BIRC6: variants seen among roughly 807,000 people sequenced by gnomAD.
BIRC6 encodes dual E2 ubiquitin-conjugating enzyme/E3 ubiquitin-protein ligase BIRC6.
A neutral mutation model predicts 503.3 loss-of-function variants in BIRC6; 98 were observed. That is an observed-to-expected ratio of 0.19 (90% CI 0.17 to 0.23). The LOEUF (loss-of-function observed/expected upper bound fraction) is 0.23. Ranked by LOEUF, BIRC6 falls within the 10% of genes least tolerant of loss-of-function variation. BIRC6 has a pLI of 1.00. For synonymous variants in BIRC6, 2,240 were observed against 2,078.7 expected, an observed-to-expected ratio of 1.08 and a Z score of -2.11; for missense variants, 5,360 against 5,806.0, an observed-to-expected ratio of 0.92 and a Z score of 2.50.
At chr2:32,477,675 G>C (rs1252209182) in intron 35 of BIRC6, 92 bp downstream of exon 35, 1 of 877,866 alleles carries the variant, frequency 1.1e-6, no homozygotes, top group Non-Finnish European at 1.7e-6. Context: ...GAGGTGGGTG[G>C]ATTATCTGAG....
chr2:32,583,059 A>T (rs1378183010), intron 66 of BIRC6, among the ~76,000 whole-genome samples: 1 of 152,206 alleles, frequency 6.6e-6, no homozygotes, highest in East Asian at 1.9e-4. Context: ...TTGGTGCATG[A>T]TAATTACAGT....
intron 43 of BIRC6, among the ~76,000 whole-genome samples, chr2:32,490,846 C>T (rs1572586358): frequency 1.3e-5 from 2 of 151,928 alleles, no homozygotes; most frequent in South Asian, 4.2e-4. Flanking sequence ...TAATTTAAAT[C>T]ATTGCTTAGC....
Position 32,508,273 on chromosome 2 carries a change from GTCCTT to G in BIRC6, c.9980+16_9980+20del. ...ATCCAAAACAAGGTATGTTTTGTTT[GTCCTT>G]TTTTTTTTTTTTTTTTTTTTTTTTT... is the stretch of plus-strand genomic sequence containing the variant. On this transcript the variant is annotated intron_variant, in intron 51 of 73. Transcript: ENST00000421745. 2 of 531,190 alleles carry G rather than the reference GTCCTT, an allele frequency of 3.8e-6. No homozygotes were observed. The highest frequency in any genetic ancestry group is 4.8e-6 in the Non-Finnish European group (2 of 413,194). 32.9% of individuals were successfully genotyped at this position (531,190 alleles called of 1,614,324 possible). A position where few individuals can be genotyped will look rare whatever the true frequency, so the allele number is the denominator to read the frequency against.
chr2:32,398,135 T>C (rs1468563345), intron 6 of BIRC6, among the ~76,000 whole-genome samples: 1 of 152,122 alleles, frequency 6.6e-6, no homozygotes, highest in Non-Finnish European at 1.5e-5. Flanking sequence ...AGAGTTACTT[T>C]GGAGGGAGGT....
intron 23 of BIRC6, among the ~76,000 whole-genome samples, chr2:32,462,982 G>A (rs1489290951): frequency 2.0e-5 from 3 of 149,974 alleles, no homozygotes; most frequent in South Asian, 2.1e-4. Flanking sequence ...AGTCATTCCT[G>A]TATTTCCTAG....
chr2:32,489,375 G>A (rs887493491), intron 42 of BIRC6, among the ~76,000 whole-genome samples: 2 of 151,898 alleles, frequency 1.3e-5, no homozygotes, highest in Admixed American at 1.3e-4. Flanking sequence ...CATCTGCACT[G>A]TCTCAGCACC....
At chr2:32,615,314 C>T (rs1028620755) in intron 73 of BIRC6, among the ~76,000 whole-genome samples, 11 of 152,190 alleles carry the variant, frequency 7.2e-5, no homozygotes, top group Non-Finnish European at 1.3e-4. Context: ...TTTCTTTCTC[C>T]TTCCCTGGTT....
intron 19 of BIRC6, 161 bp from the exon 20 acceptor site, chr2:32,443,330 G>C: frequency 1.8e-6 from 1 of 564,962 alleles, no homozygotes; most frequent in Non-Finnish European, 3.1e-6. Flanking sequence ...AGTATAATCA[G>C]TTCCCGCTAT....
chr2:32,595,589 G>C (rs562334515), intron 68 of BIRC6, among the ~76,000 whole-genome samples: 1 of 152,274 alleles, frequency 6.6e-6, no homozygotes, highest in South Asian at 2.1e-4. Flanking sequence ...TGACAAGTAA[G>C]AACTGGCAAA....
chr2:32,436,892 T>C (rs1481295124), intron 15 of BIRC6, among the ~76,000 whole-genome samples: 45 of 145,930 alleles, frequency 3.1e-4, no homozygotes, highest in African/African-American at 7.8e-4. Context: ...TTTTCTTTTT[T>C]TTTTTTTTTT....
At chr2:32,359,373 G>A (rs1436569978) in intron 1 of BIRC6, among the ~76,000 whole-genome samples, 1 of 152,180 alleles carries the variant, frequency 6.6e-6, no homozygotes, top group African/African-American at 2.4e-5. Context: ...AGGATTTGTT[G>A]GTTGGGGAAA....
At chr2:32,599,395 T>G (rs896103806) in intron 69 of BIRC6, among the ~76,000 whole-genome samples, 1 of 151,522 alleles carries the variant, frequency 6.6e-6, no homozygotes, top group Non-Finnish European at 1.5e-5. Context: ...ATCCCAGTGC[T>G]TAGGGAGGCC....
chr2:32,460,178 A>G (rs890713841), intron 23 of BIRC6, among the ~76,000 whole-genome samples: 1 of 139,504 alleles, frequency 7.2e-6, no homozygotes, highest in Non-Finnish European at 1.5e-5. Flanking sequence ...ATATAGATAT[A>G]TATATCTCAT....
chr2:32,531,667 AT>A (rs1248538581), intron 61 of BIRC6, 116 bp downstream of exon 61: 1 of 949,510 alleles, frequency 1.1e-6, no homozygotes, highest in Non-Finnish European at 1.5e-6. Flanking sequence ...TTTGCTTTAT[AT>A]TTTTTGAACA....
In BIRC6 at chr2:32,608,641, TC is replaced by T. The variant is rs540176111; in HGVS notation, c.14259+1000del. Among the ~76,000 whole-genome samples, 813 of 152,160 alleles carry T rather than the reference TC, an allele frequency of 5.3e-3. 11 individuals carry two copies. The highest frequency in any genetic ancestry group is 0.018 in the African/African-American group (765 of 41,524). ...CATGTTGGCCAGGCTGATCTTGAAC[TC>T]CTGACCTCAGGTGATCCACCTGCCT... On this transcript the variant is annotated intron_variant, in intron 72 of 73. Coordinates refer to ENST00000421745, the MANE Select transcript of BIRC6 (RefSeq NM_016252.4).
At chr2:32,523,688 G>A (rs1482908601) in intron 57 of BIRC6, 7 of 152,262 alleles carry the variant, frequency 4.6e-5, no homozygotes, top group Non-Finnish European at 8.8e-5. Context: ...AAAAGATGTT[G>A]TTTATTGTTT....
chr2:32,589,001 G>T (rs1446955053), intron 66 of BIRC6, among the ~76,000 whole-genome samples: 2 of 151,978 alleles, frequency 1.3e-5, no homozygotes, highest in South Asian at 2.1e-4. Context: ...GAATAAATAT[G>T]GTATTTCATA....
In BIRC6 at chr2:32,599,894, T is replaced by A; in HGVS notation, c.13986T>A (p.Asp4662Glu). ...GATTCAATCCAAACCTTTATAATGATGGCAAGGTAAATTAATTGCAATTTT... is the reference window on the plus strand; with the variant it reads ...GATTCAATCCAAACCTTTATAATGAAGGCAAGGTAAATTAATTGCAATTTT... The part of the protein sequence containing the change: ...SVRFNPNLYN[D>E]GKVCLSILNT... Residue 4662 changes from aspartate (D) to glutamate (E), a missense_variant, in exon 70 of 74, where the codon GAT becomes GAA. By Grantham distance (45) the Asp-to-Glu change is conservative. Transcript: ENST00000421745. 6.2e-7 allele frequency: 1 copy of A among 1,612,258 alleles called. No individual in the cohort carries two copies. Among genetic ancestry groups the A allele is most frequent in the Non-Finnish European group, 8.5e-7 (1 of 1,179,180 alleles).
rs371950446 is a variant in BIRC6 at position 32,617,366 on chromosome 2, A to T, written c.14395-359A>T. Among the ~76,000 whole-genome samples the T allele has an allele frequency of 2.6e-5, 4 of 152,184 alleles. No homozygotes were observed. The South Asian group carries it at 8.3e-4, about 32-fold the overall frequency. On this transcript the variant is annotated intron_variant, in intron 73 of 73. Coordinates refer to ENST00000421745, the MANE Select transcript of BIRC6 (RefSeq NM_016252.4). Reference sequence around the variant, plus strand: ...CAATGAGCTGAGATCGCGCCAGTGCACTCCAGCCTGGGCAACAGAGCGAGA... The same window carrying T: ...CAATGAGCTGAGATCGCGCCAGTGCTCTCCAGCCTGGGCAACAGAGCGAGA...
Sources: allele counts gnomAD v4.1 joint callset (sites outside exome capture counted in the v4.1 genomes callset), GRCh38; gene constraint gnomAD v4.1.1; transcripts MANE v1.5; gene names NCBI Gene and HGNC (gene_info 2026-07-23, HGNC 2026-07-21).